EPS15: variants seen among roughly 807,000 people sequenced by gnomAD.
EPS15 encodes the protein epidermal growth factor receptor pathway substrate 15.
In EPS15, 72 loss-of-function variants were observed where a neutral mutation model predicts 113.8. The observed-to-expected ratio is 0.63, with a 90% CI of 0.52 to 0.77. EPS15 has a LOEUF of 0.77. Ranked by LOEUF, EPS15 falls within the 30% of genes least tolerant of loss-of-function variation. The pLI is 0.00. For synonymous variants in EPS15, 344 were observed against 363.4 expected (o/e 0.95, Z 0.61); for missense variants, 1,048 against 1,045.8 (o/e 1.00, Z -0.03).
At chr1:51,470,359 T>A (rs1044784496) in intron 4 of EPS15, among the ~76,000 whole-genome samples, 1 of 152,052 alleles carries the variant, frequency 6.6e-6, no homozygotes, top group Non-Finnish European at 1.5e-5. Flanking sequence ...AACTTAAAAA[T>A]CTGGGCCAGG....
chr1:51,468,331 G>A (rs1654998079), intron 5 of EPS15, 142 bp downstream of exon 5: 1 of 669,708 alleles, frequency 1.5e-6, no homozygotes, highest in African/African-American at 1.8e-5. Context: ...AACAGCAGGA[G>A]CCAGTAGGGG....
chr1:51,491,229 A>G (rs961901392), intron 1 of EPS15, among the ~76,000 whole-genome samples: 1 of 152,204 alleles, frequency 6.6e-6, no homozygotes, highest in Non-Finnish European at 1.5e-5. Context: ...TATTTCTGAC[A>G]TATTAACACA....
At chr1:51,403,103 C>T (rs1320589787) in intron 17 of EPS15, among the ~76,000 whole-genome samples, 1 of 152,060 alleles carries the variant, frequency 6.6e-6, no homozygotes, top group East Asian at 1.9e-4. Context: ...GAGATTAGGT[C>T]CCTCTATGTT....
chr1:51,492,465 G>C (rs1358039973), intron 1 of EPS15, among the ~76,000 whole-genome samples: 1 of 152,044 alleles, frequency 6.6e-6, no homozygotes, highest in Non-Finnish European at 1.5e-5. Context: ...AGAAGAAAGG[G>C]ACTTTAGAAT....
At chr1:51,414,131 A>G (rs575826821) in intron 13 of EPS15, among the ~76,000 whole-genome samples, 20 of 152,124 alleles carry the variant, frequency 1.3e-4, no homozygotes, top group Non-Finnish European at 2.5e-4. Flanking sequence ...CAATCTATTG[A>G]GCCGGCAAAG....
At chr1:51,488,472 T>TAAAAAAAAAAAAAAA (rs71063033) in intron 1 of EPS15, among the ~76,000 whole-genome samples, 56 of 85,292 alleles carry the variant, frequency 6.6e-4, no homozygotes, top group Middle Eastern at 7.0e-3. Flanking sequence ...TAAAGTTTTG[T>TAAAAAAAAAAAAAAA]AAAAAAAAAA....
At chr1:51,405,409 T>G (rs544061741) in intron 16 of EPS15, among the ~76,000 whole-genome samples, 8 of 152,254 alleles carry the variant, frequency 5.3e-5, no homozygotes, top group Admixed American at 4.6e-4. Flanking sequence ...AAAAAATAAA[T>G]TAGCTGGCTG....
intron 21 of EPS15, among the ~76,000 whole-genome samples, chr1:51,383,896 A>C (rs549382631): frequency 6.6e-6 from 1 of 152,384 alleles, no homozygotes; most frequent in South Asian, 2.1e-4. Context: ...GCACAGTAGC[A>C]GGATACAAAA....
At chr1:51,390,152 A>T (rs71651192) in intron 21 of EPS15, among the ~76,000 whole-genome samples, 6,298 of 151,808 alleles carry the variant, frequency 0.041, 184 homozygotes, top group Non-Finnish European at 0.065. Context: ...GCCCTTAGAA[A>T]TAACGCCGCA....
intron 11 of EPS15, among the ~76,000 whole-genome samples, chr1:51,442,969 T>TA (rs1192905599): frequency 1.3e-5 from 2 of 152,036 alleles, no homozygotes; most frequent in Non-Finnish European, 2.9e-5. Context: ...AATGCAGTAC[T>TA]AAAAAAACCA....
chr1:51,453,008 T>TTCA (rs1462138166), intron 8 of EPS15, among the ~76,000 whole-genome samples: 3 of 152,220 alleles, frequency 2.0e-5, no homozygotes, highest in African/African-American at 7.2e-5. Flanking sequence ...CCTCTCCTTT[T>TTCA]TCACTAGCCA....
At position 51,355,736 on chromosome 1, in the gene EPS15, A is replaced by T. The variant is rs1646204353; in HGVS notation, c.*964T>A. On this transcript the variant is annotated 3_prime_UTR_variant, in exon 25 of 25. Coordinates refer to ENST00000371733, the MANE Select transcript of EPS15 (RefSeq NM_001981.3). ...ATTAAAAAAAAAAAAACAAATATATATGAAAAATTAAAGTACCTTCCAGTT... is the reference window on the plus strand; with the variant it reads ...ATTAAAAAAAAAAAAACAAATATATTTGAAAAATTAAAGTACCTTCCAGTT... 5.3e-6 allele frequency: 1 copy of T among 188,510 alleles called. No individual in the cohort carries two copies. Among genetic ancestry groups the T allele is most frequent in the African/African-American group, 2.3e-5 (1 of 42,632 alleles). The allele number at this position is 188,510 out of a possible 1,614,324, so 11.7% of individuals were successfully genotyped here.
intron 23 of EPS15, among the ~76,000 whole-genome samples, chr1:51,361,977 A>T (rs1646396602): frequency 6.6e-6 from 1 of 152,214 alleles, no homozygotes; most frequent in Admixed American, 6.5e-5. Context: ...CTGATCAAAT[A>T]ATCTCTGACC....
At chr1:51,451,216 T>A (rs1387570733) in intron 8 of EPS15, among the ~76,000 whole-genome samples, 1 of 151,812 alleles carries the variant, frequency 6.6e-6, no homozygotes. Flanking sequence ...AGGCTGGGCG[T>A]GGTGGCTCAC....
At chr1:51,438,333 T>G (rs1302825680) in intron 12 of EPS15, among the ~76,000 whole-genome samples, 3 of 152,216 alleles carry the variant, frequency 2.0e-5, no homozygotes, top group Non-Finnish European at 4.4e-5. Flanking sequence ...TTTCATGCTG[T>G]CAGCTGCCAT....
At chr1:51,417,341 A>T (rs1297154136) in intron 13 of EPS15, among the ~76,000 whole-genome samples, 1 of 152,214 alleles carries the variant, frequency 6.6e-6, no homozygotes, top group East Asian at 1.9e-4. Context: ...CTATGCTCTC[A>T]ATCTTTTCTA....
intron 12 of EPS15, among the ~76,000 whole-genome samples, chr1:51,438,014 T>C (rs1407613642): frequency 6.6e-6 from 1 of 152,198 alleles, no homozygotes; most frequent in African/African-American, 2.4e-5. Flanking sequence ...GTTTTTATAA[T>C]GTAATACCTT....
intron 21 of EPS15, among the ~76,000 whole-genome samples, chr1:51,381,944 G>T (rs1187084078): frequency 6.6e-6 from 1 of 151,886 alleles, no homozygotes; most frequent in Non-Finnish European, 1.5e-5. Context: ...AGAAAGAAAT[G>T]AATAATAAAA....
At chr1:51,483,413 G>GTC (rs2148525806) in intron 1 of EPS15, among the ~76,000 whole-genome samples, 1 of 148,360 alleles carries the variant, frequency 6.7e-6, no homozygotes, top group South Asian at 2.1e-4. Context: ...GTGTGTGTGT[G>GTC]TGTGTGTGTG....
Sources: allele counts gnomAD v4.1 joint callset (sites outside exome capture counted in the v4.1 genomes callset), GRCh38; gene constraint gnomAD v4.1.1; transcripts MANE v1.5; gene names NCBI Gene and HGNC (gene_info 2026-07-23, HGNC 2026-07-21).